The following ABCA9 variants were observed in gnomAD, a reference collection of about 807,000 sequenced individuals.
ABCA9 encodes ATP-binding cassette sub-family A member 9.
Under a neutral mutation model 205.3 loss-of-function variants are expected in ABCA9, and 183 were observed. The ratio of observed to expected loss-of-function variants is 0.89; its 90% CI spans 0.79 to 1.01. The LOEUF is 1.01. Among genes scored for constraint, ABCA9 ranks in the 50% least tolerant of loss-of-function variants. The pLI, the probability that ABCA9 is intolerant of heterozygous loss-of-function variation, is 0.00. For synonymous variants in ABCA9, 651 were observed against 683.3 expected, an observed-to-expected ratio of 0.95 and a Z score of 0.74; for missense variants, 1,805 against 1,912.4, an observed-to-expected ratio of 0.94 and a Z score of 1.05.
the ABCA9 span, among the ~76,000 whole-genome samples, chr17:69,066,684 C>T: frequency 4.6e-5 from 7 of 151,674 alleles, no homozygotes; most frequent in African/African-American, 1.7e-4. Flanking sequence ...TGTGACAACA[C>T]GAAGTAAAGA....
At chr17:69,076,595 CT>C in the ABCA9 span, among the ~76,000 whole-genome samples, 45 of 152,060 alleles carry the variant, frequency 3.0e-4, no homozygotes, top group Non-Finnish European at 4.0e-4. Flanking sequence ...TTGCTCAGCT[CT>C]TTTTTGTAAG....
In ABCA9 at chr17:69,016,234, G is replaced by T; in HGVS notation, c.3039+19C>A. 1 of 1,539,452 alleles carries T rather than the reference G, an allele frequency of 6.5e-7. No homozygotes were observed. The highest frequency in any genetic ancestry group is 1.3e-5 in the South Asian group (1 of 79,436). ...AAACTTATCATGGCACAGTATAAATGAGATATAATTATACTTACTTCAAAA... is the reference window on the plus strand; with the variant it reads ...AAACTTATCATGGCACAGTATAAATTAGATATAATTATACTTACTTCAAAA... On this transcript the variant is annotated intron_variant, in intron 22 of 38. Coordinates refer to ENST00000340001, the MANE Select transcript of ABCA9 (RefSeq NM_080283.4).
intron 1 of ABCA9, among the ~76,000 whole-genome samples, chr17:69,051,927 A>G (rs1325727569): frequency 6.6e-6 from 1 of 152,236 alleles, no homozygotes; most frequent in Non-Finnish European, 1.5e-5. Flanking sequence ...GGGAAATAAG[A>G]ATGGAGGTTG....
chr17:68,980,320 C>T (rs1311869464), intron 37 of ABCA9, among the ~76,000 whole-genome samples: 3 of 152,116 alleles, frequency 2.0e-5, no homozygotes, highest in Non-Finnish European at 4.4e-5. Flanking sequence ...AACAGGAATA[C>T]TTTTACACTG....
chr17:69,051,745 T>C (rs1020329988), intron 1 of ABCA9: 5 of 152,122 alleles, frequency 3.3e-5, no homozygotes, highest in African/African-American at 1.2e-4. Flanking sequence ...GAAGACATCT[T>C]AAAAATATAG....
chr17:69,049,438 T>C lies in ABCA9; in HGVS notation c.149A>G (p.Asn50Ser). 1 of 1,613,076 alleles carries C rather than the reference T, an allele frequency of 6.2e-7. No homozygotes were observed. Among genetic ancestry groups the C allele is most frequent in the South Asian group, 1.1e-5 (1 of 91,042 alleles). The change falls in exon 3 of 39, where the codon AAT becomes AGT. Residue 50 changes from asparagine to serine, a missense_variant. Coordinates refer to ENST00000340001, the MANE Select transcript of ABCA9 (RefSeq NM_080283.4). Reference protein sequence around the residue: ...LVLFLYLFFSNLHQVHDTPQM... With the variant: ...LVLFLYLFFSSLHQVHDTPQM... ...AGGAGTGTCATGAACTTGATGTAAA[T>C]TGGAGAAAAATAGGTACAGAAACAG...
the ABCA9 span, among the ~76,000 whole-genome samples, chr17:69,076,969 G>A: frequency 6.6e-6 from 1 of 151,726 alleles, no homozygotes; most frequent in East Asian, 1.9e-4. Context: ...CCAATTTTTG[G>A]TTTCACTTAT....
chr17:69,024,120 T>C (rs2070906907), intron 17 of ABCA9, 94 bp downstream of exon 17: 1 of 1,359,396 alleles, frequency 7.4e-7, no homozygotes, highest in Non-Finnish European at 1.0e-6. Context: ...GCCATTCATC[T>C]AGCAAGCATT....
rs562990844 is a variant in ABCA9 at position 69,011,338 on chromosome 17, CTT to C, written c.3147+636_3147+637del. On this transcript the variant is annotated intron_variant, in intron 23 of 38. Coordinates refer to ENST00000340001, the MANE Select transcript of ABCA9 (RefSeq NM_080283.4). ...AGGAAAAAGACAGTGAATGTGTGGT[CTT>C]ATAAAAGTAAAGGAAAAATAGTATT... Among the ~76,000 whole-genome samples the C allele has an allele frequency of 1.7e-3, 255 of 152,008 alleles. 2 individuals carry two copies. Among genetic ancestry groups the C allele is most frequent in the African/African-American group, 5.8e-3 (242 of 41,472 alleles).
chr17:69,044,357 A>G (rs1040154468), intron 5 of ABCA9, 140 bp downstream of exon 5: 1 of 702,048 alleles, frequency 1.4e-6, no homozygotes, highest in Non-Finnish European at 2.3e-6. Context: ...ACTTAGTACA[A>G]TGGTTTTATT....
chr17:69,005,970 G>T (rs962572154), intron 25 of ABCA9, among the ~76,000 whole-genome samples: 3 of 152,086 alleles, frequency 2.0e-5, no homozygotes, highest in Non-Finnish European at 2.9e-5. Context: ...TATTTGGGCA[G>T]CCATTTCTAA....
intron 20 of ABCA9, 55 bp downstream of exon 20, chr17:69,018,358 G>C: frequency 7.3e-7 from 1 of 1,371,468 alleles, no homozygotes; most frequent in Non-Finnish European, 9.6e-7. Flanking sequence ...GTTTTTTGGG[G>C]GGAATCTCTC....
At chr17:69,076,694 G>T in the ABCA9 span, among the ~76,000 whole-genome samples, 1 of 152,096 alleles carries the variant, frequency 6.6e-6, no homozygotes, top group East Asian at 1.9e-4. Context: ...CTGGAACTTG[G>T]TATTGGTCTG....
At chr17:68,983,307 GATA>G (rs1276772575) in intron 36 of ABCA9, among the ~76,000 whole-genome samples, 1 of 152,152 alleles carries the variant, frequency 6.6e-6, no homozygotes, top group Non-Finnish European at 1.5e-5. Context: ...TGATTTCACT[GATA>G]ATAATATATA....
chr17:69,057,152 T>C (rs7222660), intron 1 of ABCA9, among the ~76,000 whole-genome samples: 10,420 of 152,230 alleles, frequency 0.068, 910 homozygotes, highest in African/African-American at 0.19. Context: ...GCTATAACCT[T>C]CCTATACATA....
intron 16 of ABCA9, among the ~76,000 whole-genome samples, chr17:69,025,051 C>A (rs922829251): frequency 1.3e-5 from 2 of 152,068 alleles, no homozygotes; most frequent in Non-Finnish European, 1.5e-5. Flanking sequence ...TCTGTACTTA[C>A]AAGGTATAGT....
chr17:69,049,387 C>A lies in ABCA9; in HGVS notation c.200G>T (p.Arg67Leu), dbSNP rs373549639. ...ATTAGTATCATTAAAACTATCTACA[C>A]GTCCCAGATCCATTGAAGACATTTG... ...TPQMSSMDLG[R>L]VDSFNDTNYV... Residue 67 changes from arginine to leucine, a missense_variant, in exon 3 of 39, where the codon CGT (arginine) becomes CTT (leucine). Transcript: ENST00000340001. The A allele has an allele frequency of 1.2e-6, 2 of 1,612,798 alleles. No homozygotes were observed. The highest frequency in any genetic ancestry group is 1.7e-6 in the Non-Finnish European group (2 of 1,179,122).
intron 25 of ABCA9, 76 bp downstream of exon 25, chr17:69,007,683 T>C (rs530590448): frequency 1.0e-5 from 10 of 964,518 alleles, no homozygotes; most frequent in African/African-American, 9.8e-5. Flanking sequence ...TTTGCCACTC[T>C]GCTTAGCACA....
chr17:68,981,674 T>C (rs1041694747), intron 37 of ABCA9, among the ~76,000 whole-genome samples: 5 of 151,884 alleles, frequency 3.3e-5, no homozygotes, highest in African/African-American at 4.8e-5. Context: ...ACTCTGTCTC[T>C]ACTAAAAATA....
Sources: allele counts gnomAD v4.1 joint callset (sites outside exome capture counted in the v4.1 genomes callset), GRCh38; gene constraint gnomAD v4.1.1; transcripts MANE v1.5; gene names NCBI Gene and HGNC (gene_info 2026-07-23, HGNC 2026-07-21).